GPD2: variants seen among roughly 807,000 people sequenced by gnomAD.
GPD2 encodes glycerol-3-phosphate dehydrogenase, mitochondrial.
A neutral mutation model predicts 82.4 loss-of-function variants in GPD2; 54 were observed. That is an observed-to-expected ratio of 0.66 (90% CI 0.53 to 0.82). The LOEUF (loss-of-function observed/expected upper bound fraction) is 0.82, where lower values mean the gene tolerates loss of function less well. Ranked by LOEUF, GPD2 falls within the 40% of genes least tolerant of loss-of-function variation. The pLI is 0.00. For missense variants in GPD2, 748 were observed against 896.2 expected, an observed-to-expected ratio of 0.83 and a Z score of 2.11; for synonymous variants, 288 against 306.1, an observed-to-expected ratio of 0.94 and a Z score of 0.62.
chr2:156,427,734 T>G, the GPD2 span, among the ~76,000 whole-genome samples: 13 of 152,210 alleles, frequency 8.5e-5, no homozygotes, highest in Admixed American at 7.2e-4. Flanking sequence ...ACTTGGTTGT[T>G]ACAGCAATGA....
At chr2:156,513,847 T>G (rs575257747) in intron 6 of GPD2, among the ~76,000 whole-genome samples, 1 of 152,198 alleles carries the variant, frequency 6.6e-6, no homozygotes, top group Non-Finnish European at 1.5e-5. Context: ...ATGAATATAT[T>G]ATAATGTTGA....
intron 6 of GPD2, among the ~76,000 whole-genome samples, chr2:156,520,678 G>A (rs905518831): frequency 2.0e-5 from 3 of 151,702 alleles, no homozygotes; most frequent in South Asian, 2.1e-4. Flanking sequence ...TCCACCTCCC[G>A]GGCTCAAGCC....
the GPD2 span, among the ~76,000 whole-genome samples, chr2:156,407,944 ATTTTTTTTTTT>A: frequency 1.8e-5 from 1 of 56,478 alleles, no homozygotes; most frequent in Non-Finnish European, 3.0e-5. Context: ...CCATGCTGTA[ATTTTTTTTTTT>A]TTTTTTTTTT....
At chr2:156,548,115 A>G (rs1399509921) in intron 6 of GPD2, among the ~76,000 whole-genome samples, 1 of 152,238 alleles carries the variant, frequency 6.6e-6, no homozygotes, top group Non-Finnish European at 1.5e-5. Flanking sequence ...TCTTAATTTA[A>G]GGAGAAGATC....
chr2:156,566,089 A>G (rs990798118), intron 9 of GPD2, among the ~76,000 whole-genome samples: 3 of 152,112 alleles, frequency 2.0e-5, no homozygotes, highest in Non-Finnish European at 4.4e-5. Context: ...AAACATGGAC[A>G]TGGTATGGGC....
At chr2:156,439,550 A>AAAAAG (rs1682080760) in intron 1 of GPD2, among the ~76,000 whole-genome samples, 1 of 141,270 alleles carries the variant, frequency 7.1e-6, no homozygotes, top group Non-Finnish European at 1.5e-5. Context: ...CAAAAAAAAA[A>AAAAAG]AAACAAGCCA....
intron 16 of GPD2, among the ~76,000 whole-genome samples, chr2:156,582,472 AT>A (rs1688058982): frequency 2.4e-5 from 3 of 123,900 alleles, no homozygotes; most frequent in African/African-American, 9.7e-5. Context: ...AAGATCCAAT[AT>A]TTGAAGTTGC....
intron 6 of GPD2, among the ~76,000 whole-genome samples, chr2:156,521,046 G>A (rs899451612): frequency 1.3e-5 from 2 of 152,106 alleles, no homozygotes; most frequent in Non-Finnish European, 2.9e-5. Flanking sequence ...TGTTGCATGT[G>A]TCTACCAGGG....
At chr2:156,556,057 CT>C (rs1050917561) in intron 8 of GPD2, among the ~76,000 whole-genome samples, 1 of 152,072 alleles carries the variant, frequency 6.6e-6, no homozygotes, top group African/African-American at 2.4e-5. Context: ...CTATATGTTT[CT>C]TTTTTTATAT....
At position 156,458,451 on chromosome 2, in the gene GPD2, G is replaced by A. The variant is rs182931432; in HGVS notation, c.-8-17647G>A. Among the ~76,000 whole-genome samples the A allele has an allele frequency of 1.5e-3, 223 of 152,314 alleles. 1 individual carries two copies. The highest frequency in any genetic ancestry group is 5.2e-3 in the South Asian group (25 of 4,832). ...TGTGCAATAACTAAAAATGTAGGGC[G>A]AGTTTAGGTGCAGCTTAACTCAAGC... On this transcript the variant is annotated intron_variant, in intron 1 of 16. Coordinates refer to ENST00000438166, the MANE Select transcript of GPD2 (RefSeq NM_000408.5).
chr2:156,465,208 G>A (rs1683109753), intron 1 of GPD2, among the ~76,000 whole-genome samples: 1 of 152,134 alleles, frequency 6.6e-6, no homozygotes, highest in Admixed American at 6.5e-5. Context: ...CATGATTGTA[G>A]TTACTCTGTA....
intron 1 of GPD2, chr2:156,473,431 G>A (rs1205277900): frequency 6.6e-6 from 1 of 152,188 alleles, no homozygotes; most frequent in Non-Finnish European, 1.5e-5. Context: ...TTAACTGGCT[G>A]AATGAACACC....
At chr2:156,559,729 A>G (rs1687099577) in intron 9 of GPD2, among the ~76,000 whole-genome samples, 1 of 152,248 alleles carries the variant, frequency 6.6e-6, no homozygotes, top group Admixed American at 6.5e-5. Context: ...TACTAAATAC[A>G]TATCATTGAA....
intron 1 of GPD2, among the ~76,000 whole-genome samples, chr2:156,466,348 A>G (rs1042882899): frequency 2.0e-5 from 3 of 152,236 alleles, no homozygotes; most frequent in Admixed American, 1.3e-4. Context: ...AGCAAACATA[A>G]TAGAAACTAT....
intron 13 of GPD2, among the ~76,000 whole-genome samples, chr2:156,578,018 G>A (rs572984572): frequency 2.9e-4 from 44 of 151,678 alleles, no homozygotes; most frequent in African/African-American, 9.4e-4. Flanking sequence ...ATATGTGTGC[G>A]TGTGTGTGTG....
rs1016033407 is a variant in GPD2 at position 156,584,948 on chromosome 2, C to G, written c.*2030C>G. 2 of 151,892 alleles carry G rather than the reference C, an allele frequency of 1.3e-5. No individual in the cohort carries two copies. Among genetic ancestry groups the G allele is most frequent in the East Asian group, 1.9e-4 (1 of 5,166 alleles). 9.4% of individuals were successfully genotyped at this position (151,892 alleles called of 1,614,324 possible). Reference sequence around the variant, plus strand: ...TCCCTGATTCTGTTACAGTAGGGCCCGGGCAGATCTGTGTTTGTTAAACAG... The same window carrying G: ...TCCCTGATTCTGTTACAGTAGGGCCGGGGCAGATCTGTGTTTGTTAAACAG... On this transcript the variant is annotated 3_prime_UTR_variant, in exon 17 of 17. Coordinates refer to ENST00000438166, the MANE Select transcript of GPD2 (RefSeq NM_000408.5).
At chr2:156,533,184 G>A (rs1038887180) in intron 6 of GPD2, among the ~76,000 whole-genome samples, 4 of 152,210 alleles carry the variant, frequency 2.6e-5, no homozygotes, top group African/African-American at 4.8e-5. Flanking sequence ...AGTGAAACAG[G>A]TATCCTTCAG....
chr2:156,463,664 C>T (rs963633180), intron 1 of GPD2, among the ~76,000 whole-genome samples: 3 of 152,200 alleles, frequency 2.0e-5, no homozygotes, highest in Non-Finnish European at 4.4e-5. Context: ...GACAGAATTA[C>T]AAGCGTGTCT....
intron 6 of GPD2, among the ~76,000 whole-genome samples, chr2:156,541,290 G>A (rs1686300796): frequency 6.6e-6 from 1 of 152,164 alleles, no homozygotes; most frequent in Non-Finnish European, 1.5e-5. Flanking sequence ...TGTGTAGAAT[G>A]CTGTTTGGTA....
Sources: allele counts gnomAD v4.1 joint callset (sites outside exome capture counted in the v4.1 genomes callset), GRCh38; gene constraint gnomAD v4.1.1; transcripts MANE v1.5; gene names NCBI Gene and HGNC (gene_info 2026-07-23, HGNC 2026-07-21).